Variants in NRG3 observed in about 807,000 individuals in gnomAD.
The protein encoded by NRG3 is pro-neuregulin-3, membrane-bound isoform.
Under a neutral mutation model 66.9 loss-of-function variants are expected in NRG3, and 31 were observed. That is an observed-to-expected ratio of 0.46 (90% CI 0.35 to 0.63). The LOEUF is 0.63. NRG3 is among the 20% of genes least tolerant of loss of function. NRG3 has a pLI of 0.00. For missense variants in NRG3, 910 were observed against 878.9 expected (o/e 1.04, Z -0.45); for synonymous variants, 393 against 359.4 (o/e 1.09, Z -1.06).
At chr10:82,732,606 G>T (rs961234666) in intron 2 of NRG3, among the ~76,000 whole-genome samples, 2 of 152,116 alleles carry the variant, frequency 1.3e-5, no homozygotes, top group Non-Finnish European at 2.9e-5. Context: ...CTGGGATTAT[G>T]CTTTCAAATT....
rs537432695 is a variant in NRG3, at chr10:82,443,268, A to G, written c.953+84400A>G. On this transcript the variant is annotated intron_variant, in intron 2 of 8. Transcript: ENST00000372141. Reference sequence around the variant, plus strand: ...TGACACATCACGATTACAAATGATGAGTAGCCTAGGACAAAACCACCAGCT... The same window carrying G: ...TGACACATCACGATTACAAATGATGGGTAGCCTAGGACAAAACCACCAGCT... Among the ~76,000 whole-genome samples, 7 of 152,250 alleles carry G rather than the reference A, an allele frequency of 4.6e-5. No homozygotes were observed. In the South Asian group the frequency reaches 6.2e-4, roughly 14 times the overall value.
intron 2 of NRG3, among the ~76,000 whole-genome samples, chr10:82,451,247 A>G (rs1429955188): frequency 6.6e-6 from 1 of 152,118 alleles, no homozygotes; most frequent in Non-Finnish European, 1.5e-5. Context: ...TCAAATTAGC[A>G]TATCTAGTTG....
At chr10:82,824,353 CAT>C (rs1432613999) in intron 3 of NRG3, among the ~76,000 whole-genome samples, 1 of 152,142 alleles carries the variant, frequency 6.6e-6, no homozygotes, top group African/African-American at 2.4e-5. Context: ...TTTGAGTAGA[CAT>C]GTGTTTTTAA....
At chr10:82,398,532 A>T (rs562972730) in intron 2 of NRG3, among the ~76,000 whole-genome samples, 23 of 149,894 alleles carry the variant, frequency 1.5e-4, no homozygotes, top group African/African-American at 5.8e-4. Flanking sequence ...TGTGTGAGAG[A>T]GAGAGAGAGA....
intron 1 of NRG3, among the ~76,000 whole-genome samples, chr10:82,322,114 G>A (rs1037836898): frequency 6.6e-6 from 1 of 152,152 alleles, no homozygotes; most frequent in Non-Finnish European, 1.5e-5. Flanking sequence ...AATAAGTTGA[G>A]TCCACTCTTA....
chr10:82,024,591 G>A (rs898166252), intron 1 of NRG3, among the ~76,000 whole-genome samples: 1 of 151,954 alleles, frequency 6.6e-6, no homozygotes, highest in Non-Finnish European at 1.5e-5. Flanking sequence ...TGGGTTAACC[G>A]AGATAATAAA....
At chr10:82,162,746 A>T (rs2132970639) in intron 1 of NRG3, among the ~76,000 whole-genome samples, 1 of 152,268 alleles carries the variant, frequency 6.6e-6, no homozygotes, top group South Asian at 2.1e-4. Context: ...TTTCAAGAGA[A>T]TTGCAACTCA....
At chr10:82,167,815 T>C (rs1739777) in intron 1 of NRG3, among the ~76,000 whole-genome samples, 87,219 of 151,882 alleles carry the variant, frequency 0.57, 26,685 homozygotes, top group Non-Finnish European at 0.69. Flanking sequence ...ATAAAGATTA[T>C]TGAATGGTGT....
At chr10:82,083,966 T>G (rs11192436) in intron 1 of NRG3, among the ~76,000 whole-genome samples, 116,498 of 151,502 alleles carry the variant, frequency 0.77, 44,877 homozygotes, top group Non-Finnish European at 0.8. Flanking sequence ...GGTGGCTCAC[T>G]CCTGTAATCA....
chr10:82,958,751 A>T (rs1489589189), intron 5 of NRG3, among the ~76,000 whole-genome samples, 198 bp from the exon 6 acceptor site: 1 of 152,190 alleles, frequency 6.6e-6, no homozygotes, highest in Non-Finnish European at 1.5e-5. Context: ...TTCCTAGAGA[A>T]TATGGATGAT....
intron 1 of NRG3, among the ~76,000 whole-genome samples, chr10:82,108,784 A>G (rs1408845791): frequency 6.6e-6 from 1 of 152,208 alleles, no homozygotes; most frequent in Non-Finnish European, 1.5e-5. Context: ...GATGTTCCTT[A>G]CAGAAGGTTT....
intron 2 of NRG3, among the ~76,000 whole-genome samples, chr10:82,375,971 T>C (rs1052410915): frequency 2.6e-5 from 4 of 152,120 alleles, no homozygotes; most frequent in African/African-American, 9.7e-5. Flanking sequence ...AAATGCCAAA[T>C]TAAGAAGGGT....
At chr10:82,646,048 CTT>C (rs2050907373) in intron 2 of NRG3, among the ~76,000 whole-genome samples, 2 of 152,202 alleles carry the variant, frequency 1.3e-5, no homozygotes, top group African/African-American at 4.8e-5. Context: ...TCATATGACA[CTT>C]GACATAGAAT....
intron 2 of NRG3, among the ~76,000 whole-genome samples, chr10:82,468,570 A>G (rs1229676379): frequency 2.0e-5 from 3 of 152,196 alleles, no homozygotes. Flanking sequence ...CTATGGATAC[A>G]TTGGCATTGT....
chr10:82,659,480 A>G (rs920041217), intron 2 of NRG3, among the ~76,000 whole-genome samples: 1 of 152,108 alleles, frequency 6.6e-6, no homozygotes, highest in African/African-American at 2.4e-5. Context: ...CATCTCTATT[A>G]AAAATACAAA....
chr10:82,618,852 C>A (rs1445194245), intron 2 of NRG3, among the ~76,000 whole-genome samples: 2 of 151,646 alleles, frequency 1.3e-5, no homozygotes, highest in African/African-American at 4.8e-5. Flanking sequence ...ATTTTGCACC[C>A]TTTTTATGGA....
chr10:82,860,735 T>C (rs1387921348), intron 3 of NRG3, among the ~76,000 whole-genome samples: 3 of 152,240 alleles, frequency 2.0e-5, no homozygotes, highest in Non-Finnish European at 2.9e-5. Context: ...AAGGAAGTTA[T>C]ATGTTCAAAC....
chr10:82,636,260 T>G (rs2050190642), intron 2 of NRG3, among the ~76,000 whole-genome samples: 1 of 151,440 alleles, frequency 6.6e-6, no homozygotes, highest in Non-Finnish European at 1.5e-5. Context: ...TGTGTGTGTG[T>G]AAATATGTGT....
intron 1 of NRG3, among the ~76,000 whole-genome samples, chr10:81,893,512 C>T (rs1404067010): frequency 1.3e-5 from 2 of 152,008 alleles, no homozygotes; most frequent in Non-Finnish European, 2.9e-5. Flanking sequence ...AAATTCACAT[C>T]CAGGATGACT....
Sources: gnomAD v4.1 joint callset for allele counts (sites outside exome capture counted in the v4.1 genomes callset) on GRCh38, gnomAD v4.1.1 for gene constraint, MANE v1.5 for transcripts, NCBI Gene and HGNC (gene_info 2026-07-23, HGNC 2026-07-21) for gene names.